SLC38A1: variants seen among roughly 807,000 people sequenced by gnomAD.
The protein encoded by SLC38A1 is solute carrier family 38 member 1, also known as sodium-coupled neutral amino acid symporter 1.
In SLC38A1, 18 loss-of-function variants were observed where a neutral mutation model predicts 60.3. The observed-to-expected ratio is 0.30, with a 90% CI of 0.21 to 0.44. The LOEUF (loss-of-function observed/expected upper bound fraction) is 0.44, where lower values mean the gene tolerates loss of function less well. SLC38A1 is among the 20% of genes least tolerant of loss of function. The pLI is 1.00. For synonymous variants in SLC38A1, 196 were observed against 212.1 expected, an observed-to-expected ratio of 0.92 and a Z score of 0.66; for missense variants, 448 against 587.2, an observed-to-expected ratio of 0.76 and a Z score of 2.45.
At chr12:46,212,011 AAAAGTAT>A (rs1305749019) in intron 5 of SLC38A1, among the ~76,000 whole-genome samples, 9 of 152,248 alleles carry the variant, frequency 5.9e-5, no homozygotes, top group African/African-American at 1.7e-4. Flanking sequence ...TAAAATTTAG[AAAAGTAT>A]ACCTCCTTGT....
In SLC38A1 at chr12:46,229,104, A is replaced by G. The variant is rs746841562; in HGVS notation, c.314+49T>C. The G allele has an allele frequency of 3.7e-6, 4 of 1,083,238 alleles. No individual in the cohort carries two copies. The African/African-American group carries it at 4.7e-5, about 13-fold the overall frequency. The allele number at this position is 1,083,238 out of a possible 1,614,324, so 67.1% of individuals were successfully genotyped here. A position where few individuals can be genotyped will look rare whatever the true frequency, so the allele number is the denominator to read the frequency against. On this transcript the variant is annotated intron_variant, in intron 5 of 16. Coordinates refer to ENST00000398637, the MANE Select transcript of SLC38A1 (RefSeq NM_030674.4). ...TTCTTCTATGTAATAACAGAAACAT[A>G]CAAAAAGTTCAGTTTTAAAATGGAA...
intron 5 of SLC38A1, among the ~76,000 whole-genome samples, chr12:46,217,675 T>C (rs528766942): frequency 1.8e-4 from 27 of 152,308 alleles, no homozygotes; most frequent in Non-Finnish European, 3.7e-4. Flanking sequence ...AATTATTCAG[T>C]CCTAAAGTGG....
chr12:46,252,325 C>T (rs962108413), intron 1 of SLC38A1, among the ~76,000 whole-genome samples: 48 of 151,954 alleles, frequency 3.2e-4, no homozygotes, highest in Non-Finnish European at 5.9e-5. Context: ...CATCACACAC[C>T]GGGGCCTGTC....
chr12:46,219,951 G>A (rs776492138), intron 5 of SLC38A1, among the ~76,000 whole-genome samples: 5 of 152,136 alleles, frequency 3.3e-5, no homozygotes, highest in Non-Finnish European at 7.4e-5. Flanking sequence ...GCATGTGCGC[G>A]CACACACACA....
intron 6 of SLC38A1, among the ~76,000 whole-genome samples, chr12:46,208,850 T>C (rs1050327305): frequency 2.6e-5 from 4 of 152,240 alleles, no homozygotes; most frequent in African/African-American, 7.2e-5. Context: ...TATTTTCTCA[T>C]TGTCCATGAC....
intron 5 of SLC38A1, among the ~76,000 whole-genome samples, chr12:46,210,097 C>A (rs757569369): frequency 6.6e-6 from 1 of 152,114 alleles, no homozygotes; most frequent in African/African-American, 2.4e-5. Context: ...CACATCATGC[C>A]GTTCGCTCTG....
At position 46,243,273 on chromosome 12, in the gene SLC38A1, A is replaced by G. The variant is rs1235128822; in HGVS notation, c.-167T>C. 3 of 152,150 alleles carry G rather than the reference A, an allele frequency of 2.0e-5. No individual in the cohort carries two copies. Among genetic ancestry groups the G allele is most frequent in the African/African-American group, 4.8e-5 (2 of 41,444 alleles). 9.4% of individuals were successfully genotyped at this position (152,150 alleles called of 1,614,324 possible). Reference sequence around the variant, plus strand: ...GGCCTTCCAGGGTTTTTCTATGCACATAGATATAGTGCCTGGCACACAGTA... The same window carrying G: ...GGCCTTCCAGGGTTTTTCTATGCACGTAGATATAGTGCCTGGCACACAGTA... On this transcript the variant is annotated 5_prime_UTR_variant, in exon 2 of 17. An upstream start codon of the reference 5' UTR is lost. Transcript: ENST00000398637.
rs551557776 is a variant in SLC38A1, at chr12:46,239,046, T to C, written c.122+633A>G. 1.0e-4 allele frequency: 16 copies of C among 152,398 alleles called. 1 individual carries two copies. Among genetic ancestry groups the C allele is most frequent in the Admixed American group, 2.0e-4 (3 of 15,300 alleles). The allele number at this position is 152,398 out of a possible 1,614,324, so 9.4% of individuals were successfully genotyped here. On this transcript the variant is annotated intron_variant, in intron 3 of 16. Coordinates refer to ENST00000398637, the MANE Select transcript of SLC38A1 (RefSeq NM_030674.4). ...GATGACTGTAGTACACATTTGGATA[T>C]GGGATGCAGTGAAATTCCAGTAGTC...
intron 7 of SLC38A1, 126 bp downstream of exon 7, chr12:46,207,403 C>A: frequency 9.1e-7 from 1 of 1,094,212 alleles, no homozygotes. Context: ...GCTGTCTCTG[C>A]TTTACTTTCC....
chr12:46,253,359 C>G (rs1482864377), intron 1 of SLC38A1, among the ~76,000 whole-genome samples: 1 of 152,114 alleles, frequency 6.6e-6, no homozygotes, highest in African/African-American at 2.4e-5. Flanking sequence ...ACAGAGCGGC[C>G]CCAAGGGCTG....
chr12:46,206,406 G>A (rs1321694550), intron 8 of SLC38A1, among the ~76,000 whole-genome samples: 2 of 150,866 alleles, frequency 1.3e-5, no homozygotes, highest in Non-Finnish European at 2.9e-5. Context: ...TTGGCTAAAT[G>A]TGGCATTCTT....
intron 5 of SLC38A1, among the ~76,000 whole-genome samples, chr12:46,225,775 G>T (rs1231493608): frequency 3.3e-5 from 5 of 152,106 alleles, no homozygotes; most frequent in African/African-American, 1.2e-4. Flanking sequence ...CTGACATCTG[G>T]GCAAAGAGTC....
At chr12:46,198,595 T>A (rs747391497) in intron 14 of SLC38A1, 30 bp downstream of exon 14, 2 of 1,462,952 alleles carry the variant, frequency 1.4e-6, no homozygotes, top group Non-Finnish European at 1.9e-6. Flanking sequence ...ACCTCAGCTT[T>A]TCTCATATTG....
At chr12:46,195,732 C>T (rs1456588730) in intron 16 of SLC38A1, 5 of 194,476 alleles carry the variant, frequency 2.6e-5, no homozygotes, top group Non-Finnish European at 5.4e-5. Flanking sequence ...GTGAGCAAGG[C>T]TCCGTTGGCA....
At chr12:46,231,110 T>C (rs1324923675) in intron 3 of SLC38A1, among the ~76,000 whole-genome samples, 1 of 107,304 alleles carries the variant, frequency 9.3e-6, no homozygotes, top group Non-Finnish European at 2.1e-5. Context: ...CACGGAATAC[T>C]ATGTCACCAT....
chr12:46,194,441 T>C (rs911546197), intron 16 of SLC38A1, among the ~76,000 whole-genome samples: 1 of 152,208 alleles, frequency 6.6e-6, no homozygotes, highest in Non-Finnish European at 1.5e-5. Context: ...AGTATCTTTG[T>C]GGTGTTCTCT....
rs573251876 is a variant in SLC38A1, at chr12:46,219,356, G to T, written c.314+9797C>A. 2.0e-5 allele frequency among the ~76,000 whole-genome samples: 3 copies of T among 152,302 alleles called. No homozygotes were observed. In the South Asian group the frequency reaches 6.2e-4, roughly 32 times the overall value. ...CTATAAAATGGGGGTAATTAACAGG[G>T]TTGTTATAAAGATCTCATGGAACAA... is the stretch of plus-strand genomic sequence containing the variant. On this transcript the variant is annotated intron_variant, in intron 5 of 16. Transcript: ENST00000398637.
At chr12:46,252,124 G>C (rs1399052781) in intron 1 of SLC38A1, among the ~76,000 whole-genome samples, 2 of 152,186 alleles carry the variant, frequency 1.3e-5, no homozygotes, top group African/African-American at 4.8e-5. Flanking sequence ...TTAAGAAAAT[G>C]TGGCACATAT....
At chr12:46,265,368 T>C (rs1022579754) in intron 1 of SLC38A1, among the ~76,000 whole-genome samples, 1 of 152,176 alleles carries the variant, frequency 6.6e-6, no homozygotes, top group African/African-American at 2.4e-5. Context: ...CAAATACTTA[T>C]GAAAATGCCA....
Sources: allele counts gnomAD v4.1 joint callset (sites outside exome capture counted in the v4.1 genomes callset), GRCh38; gene constraint gnomAD v4.1.1; transcripts MANE v1.5; gene names NCBI Gene and HGNC (gene_info 2026-07-23, HGNC 2026-07-21).